Variants in MTR observed in about 807,000 individuals in gnomAD.
MTR encodes the protein 5-methyltetrahydrofolate-homocysteine methyltransferase.
MTR carries 84 observed loss-of-function variants against 154.8 expected under a neutral mutation model. That is an observed-to-expected ratio of 0.54 (90% CI 0.45 to 0.65). The LOEUF (loss-of-function observed/expected upper bound fraction) is 0.65. Ranked by LOEUF, MTR falls within the 30% of genes least tolerant of loss-of-function variation. The pLI is 0.00. For missense variants in MTR, 1,275 were observed against 1,570.2 expected (o/e 0.81, Z 3.18); for synonymous variants, 554 against 553.9 (o/e 1.00, Z 0.00).
intron 15 of MTR, among the ~76,000 whole-genome samples, chr1:236,839,111 G>A (rs1663081413): frequency 1.3e-5 from 2 of 152,316 alleles, no homozygotes; most frequent in African/African-American, 2.4e-5. Flanking sequence ...GTCAATGACT[G>A]TATATGAAAA....
intron 16 of MTR, 59 bp downstream of exon 16, chr1:236,850,582 G>T: frequency 7.0e-7 from 1 of 1,430,448 alleles, no homozygotes; most frequent in South Asian, 1.2e-5. Context: ...TGGGTCTAAT[G>T]AATGGTTAGA....
chr1:236,847,219 A>G (rs1663630944), intron 15 of MTR, among the ~76,000 whole-genome samples: 1 of 152,082 alleles, frequency 6.6e-6, no homozygotes, highest in Non-Finnish European at 1.5e-5. Context: ...CAGCCCCAGG[A>G]TGGGCCTCTG....
At chr1:236,891,872 G>A (rs1666342130) in intron 29 of MTR, among the ~76,000 whole-genome samples, 1 of 152,096 alleles carries the variant, frequency 6.6e-6, no homozygotes, top group Non-Finnish European at 1.5e-5. Flanking sequence ...GAAGATGAAG[G>A]ATGATGGAGA....
chr1:236,830,814 G>A (rs1294790759), intron 12 of MTR, among the ~76,000 whole-genome samples: 2 of 152,288 alleles, frequency 1.3e-5, no homozygotes, highest in East Asian at 1.9e-4. Flanking sequence ...AGCCAGTACC[G>A]TGCATGGAAA....
intron 8 of MTR, among the ~76,000 whole-genome samples, chr1:236,823,329 T>G (rs1332797486): frequency 2.0e-5 from 3 of 152,242 alleles, no homozygotes; most frequent in African/African-American, 7.2e-5. Flanking sequence ...TATGGTCCAG[T>G]GAACATTTCT....
chr1:236,804,307 G>A (rs774111223), intron 2 of MTR, among the ~76,000 whole-genome samples: 3 of 152,132 alleles, frequency 2.0e-5, no homozygotes, highest in Non-Finnish European at 4.4e-5. Flanking sequence ...GAGGCTCAAG[G>A]GCGCTTATTC....
rs754306872 is a variant in MTR, at chr1:236,889,301, G to A, written c.2972G>A (p.Arg991Gln). ...CAGCTCCGGGGCAAGTACCCGAATCGAGGCTTTCCCAAGATATTTAACGAC... is the reference window on the plus strand; with the variant it reads ...CAGCTCCGGGGCAAGTACCCGAATCAAGGCTTTCCCAAGATATTTAACGAC... Reference protein sequence around the residue: ...VWQLRGKYPNRGFPKIFNDKT... With the variant: ...VWQLRGKYPNQGFPKIFNDKT... Residue 991 changes from arginine to glutamine, a missense_variant, in exon 28 of 33, where the codon CGA becomes CAA. Transcript: ENST00000366577. 1.3e-5 allele frequency: 21 copies of A among 1,614,066 alleles called. No individual in the cohort carries two copies. Among genetic ancestry groups the A allele is most frequent in the South Asian group, 1.1e-4 (10 of 91,090 alleles).
intron 25 of MTR, among the ~76,000 whole-genome samples, chr1:236,882,754 A>C (rs993299488): frequency 6.6e-6 from 1 of 151,986 alleles, no homozygotes; most frequent in Admixed American, 6.6e-5. Flanking sequence ...GCAGGGAATG[A>C]GGAGTGGGTG....
At chr1:236,885,828 A>T (rs1665981701) in intron 26 of MTR, among the ~76,000 whole-genome samples, 1 of 152,226 alleles carries the variant, frequency 6.6e-6, no homozygotes, top group Non-Finnish European at 1.5e-5. Context: ...TGAGATCAAC[A>T]GCATGAGGAA....
At chr1:236,807,054 A>G (rs540743524) in intron 3 of MTR, among the ~76,000 whole-genome samples, 2 of 152,336 alleles carry the variant, frequency 1.3e-5, no homozygotes, top group East Asian at 1.9e-4. Context: ...ACATGTATAT[A>G]TAGCATGTAT....
rs1191685762 is a variant in MTR, at chr1:236,795,399, C to G, written c.-305C>G. ...TCTTGGGTCCTTTTCCGTGCCGTCC[C>G]GCGACTCCGCCTCTGGCCGCGCGTG... On this transcript the variant is annotated 5_prime_UTR_variant, in exon 1 of 33. Coordinates refer to ENST00000366577, the MANE Select transcript of MTR (RefSeq NM_000254.3). 1.0e-5 allele frequency: 15 copies of G among 1,436,434 alleles called. No individual in the cohort carries two copies. In the East Asian group the frequency reaches 4.7e-4, roughly 45 times the overall value. 89.0% of individuals were successfully genotyped at this position (1,436,434 alleles called of 1,614,324 possible). A position where few individuals can be genotyped will look rare whatever the true frequency, so the allele number is the denominator to read the frequency against.
chr1:236,836,362 C>T (rs1012853963), intron 14 of MTR, among the ~76,000 whole-genome samples: 15 of 151,828 alleles, frequency 9.9e-5, no homozygotes, highest in African/African-American at 2.2e-4. Flanking sequence ...TCTCCCACTT[C>T]GGCTTCCTGA....
intron 3 of MTR, 144 bp downstream of exon 3, chr1:236,806,377 G>T: frequency 1.3e-6 from 1 of 744,158 alleles, no homozygotes; most frequent in Non-Finnish European, 2.4e-6. Flanking sequence ...GGAAAATGGT[G>T]TGAATCCTTC....
At chr1:236,797,081 C>A (rs377588931) in intron 1 of MTR, among the ~76,000 whole-genome samples, 11 of 152,176 alleles carry the variant, frequency 7.2e-5, no homozygotes, top group Admixed American at 7.2e-4. Context: ...AGTCCCCTCA[C>A]CCCCAAGGCT....
intron 6 of MTR, among the ~76,000 whole-genome samples, chr1:236,813,487 C>T (rs185600161): frequency 1.4e-4 from 21 of 152,184 alleles, no homozygotes; most frequent in African/African-American, 2.4e-5. Context: ...ATTTATACTC[C>T]CTTCAGCAAG....
rs80141842 is a variant in MTR at position 236,881,517 on chromosome 1, T to C, written c.2676+681T>C. The stretch of plus-strand genomic sequence containing the variant: ...ACCTGGAAATTTAGTGTGGCAGAAT[T>C]TCCAGGTAAGACGTCACTTACCGTC... On this transcript the variant is annotated intron_variant, in intron 25 of 32. Transcript: ENST00000366577. Among the ~76,000 whole-genome samples the C allele has an allele frequency of 8.5e-3, 1,293 of 152,064 alleles. 130 individuals are homozygous for C. In the East Asian group the frequency reaches 0.2, roughly 23 times the overall value.
intron 15 of MTR, among the ~76,000 whole-genome samples, chr1:236,845,108 A>G (rs572611046): frequency 1.6e-4 from 24 of 152,330 alleles, no homozygotes; most frequent in African/African-American, 5.5e-4. Flanking sequence ...GACCAGTGTC[A>G]TATCTAGGAC....
At chr1:236,854,744 A>G (rs1459152487) in intron 18 of MTR, among the ~76,000 whole-genome samples, 1 of 152,160 alleles carries the variant, frequency 6.6e-6, no homozygotes, top group Non-Finnish European at 1.5e-5. Context: ...GTTCCCATTT[A>G]AGGTTTTTTT....
chr1:236,815,608 C>T lies in MTR; in HGVS notation c.614C>T (p.Ala205Val), dbSNP rs763284188. The change falls in exon 7 of 33, where the codon GCC becomes GTC. Residue 205 changes from alanine (A) to valine (V), a missense_variant. By Grantham distance (64) the Ala-to-Val change is moderately conservative (BLOSUM62 0). Transcript: ENST00000366577. ...TCTTTCTTTTTTCCCTGACAGGCAG[C>T]CTTGTTTGCACTCCAAAATCTTTTT... ...TIFDTANAKAALFALQNLFEE... is the reference protein window; with the variant it reads ...TIFDTANAKAVLFALQNLFEE... The T allele has an allele frequency of 1.4e-5, 23 of 1,613,920 alleles. No homozygotes were observed. The highest frequency in any genetic ancestry group is 1.9e-5 in the Non-Finnish European group (23 of 1,179,862).
Sources: gnomAD v4.1 joint callset for allele counts (sites outside exome capture counted in the v4.1 genomes callset) on GRCh38, gnomAD v4.1.1 for gene constraint, MANE v1.5 for transcripts, NCBI Gene and HGNC (gene_info 2026-07-23, HGNC 2026-07-21) for gene names.